The following RGS22 variants were observed in gnomAD, a reference collection of about 807,000 sequenced individuals.
RGS22 encodes the protein regulator of G protein signaling 22.
RGS22 carries 148 observed loss-of-function variants against 172.9 expected under a neutral mutation model. That is an observed-to-expected ratio of 0.86 (90% CI 0.75 to 0.98). The LOEUF (loss-of-function observed/expected upper bound fraction) is 0.98, where lower values mean the gene tolerates loss of function less well. Among genes scored for constraint, RGS22 ranks in the 50% least tolerant of loss-of-function variants. The pLI, the probability that RGS22 is intolerant of heterozygous loss-of-function variation, is 0.00. For synonymous variants in RGS22, 458 were observed against 480.2 expected, an observed-to-expected ratio of 0.95 and a Z score of 0.60; for missense variants, 1,347 against 1,440.8, an observed-to-expected ratio of 0.93 and a Z score of 1.05.
At chr8:100,022,084 G>C (rs528204231) in intron 14 of RGS22, among the ~76,000 whole-genome samples, 1 of 152,070 alleles carries the variant, frequency 6.6e-6, no homozygotes, top group Non-Finnish European at 1.5e-5. Context: ...GAGCTATGCC[G>C]AGAGCGACTA....
rs1819796769 is a variant in RGS22 at position 100,038,916 on chromosome 8, T to G, written c.2166+15A>C. ...CTTAGTGCTTCACATTGAACCAATA[T>G]TATTTACTACGTACTTGCGCTTGCT... is the stretch of plus-strand genomic sequence containing the variant. On this transcript the variant is annotated intron_variant, in intron 14 of 27. Coordinates refer to ENST00000360863, the MANE Select transcript of RGS22 (RefSeq NM_015668.5). The G allele has an allele frequency of 6.4e-7, 1 of 1,550,726 alleles. No homozygotes were observed. The highest frequency in any genetic ancestry group is 8.9e-7 in the Non-Finnish European group (1 of 1,127,420).
intron 14 of RGS22, among the ~76,000 whole-genome samples, chr8:100,017,468 TCA>T (rs1232680252): frequency 3.9e-5 from 6 of 152,190 alleles, no homozygotes; most frequent in Non-Finnish European, 4.4e-5. Context: ...AAAACTGAAT[TCA>T]GTTTGTCAAT....
intron 22 of RGS22, among the ~76,000 whole-genome samples, chr8:99,980,793 C>G (rs1212366510): frequency 6.6e-6 from 1 of 152,168 alleles, no homozygotes; most frequent in Non-Finnish European, 1.5e-5. Context: ...CCGTCAGACT[C>G]AAGGCCTTTG....
chr8:99,965,721 A>T (rs1810660526), intron 23 of RGS22, among the ~76,000 whole-genome samples: 1 of 152,196 alleles, frequency 6.6e-6, no homozygotes, highest in Admixed American at 6.5e-5. Flanking sequence ...AAACATTTTC[A>T]TGAACATCCA....
At chr8:100,065,977 T>C (rs2041197506) in intron 7 of RGS22, among the ~76,000 whole-genome samples, 190 bp downstream of exon 7, 1 of 152,044 alleles carries the variant, frequency 6.6e-6, no homozygotes, top group South Asian at 2.1e-4. Flanking sequence ...AATATCAGAG[T>C]TGCATTCTAA....
chr8:100,053,089 T>C, intron 9 of RGS22, 113 bp from the exon 10 acceptor site: 1 of 936,468 alleles, frequency 1.1e-6, no homozygotes, highest in Non-Finnish European at 1.6e-6. Context: ...GCCATACCTC[T>C]TTTCTAACAA....
chr8:100,097,803 C>T (rs1049303215), intron 2 of RGS22, among the ~76,000 whole-genome samples: 1 of 152,156 alleles, frequency 6.6e-6, no homozygotes, highest in Non-Finnish European at 1.5e-5. Flanking sequence ...ATATGCCAAA[C>T]CTCATCTTTC....
At chr8:100,087,238 C>A (rs2131953181) in intron 3 of RGS22, among the ~76,000 whole-genome samples, 1 of 152,258 alleles carries the variant, frequency 6.6e-6, no homozygotes, top group East Asian at 1.9e-4. Flanking sequence ...AATGCTCAAC[C>A]TTAAATCATA....
intron 18 of RGS22, among the ~76,000 whole-genome samples, chr8:100,001,221 C>CATATATATATATATATATAT (rs1397528231): frequency 1.1e-4 from 9 of 84,612 alleles, no homozygotes; most frequent in East Asian, 2.8e-4. Context: ...TATATATATA[C>CATATATATATATATATATAT]ATATATATAT....
At chr8:99,965,294 T>C (rs777628648) in intron 24 of RGS22, 41 bp downstream of exon 24, 2 of 1,339,204 alleles carry the variant, frequency 1.5e-6, no homozygotes, top group Admixed American at 3.4e-5. Flanking sequence ...TATCCAATGC[T>C]CCAGCGGGGA....
intron 15 of RGS22, 76 bp from the exon 16 acceptor site, chr8:100,006,185 A>G (rs1815689552): frequency 8.9e-7 from 1 of 1,128,302 alleles, no homozygotes; most frequent in Admixed American, 2.2e-5. Flanking sequence ...AAAAACAAAT[A>G]CAGTTGCCAA....
intron 20 of RGS22, among the ~76,000 whole-genome samples, chr8:99,994,458 T>C (rs1019271868): frequency 2.0e-5 from 3 of 152,132 alleles, no homozygotes; most frequent in African/African-American, 4.8e-5. Context: ...CAAGCATTCC[T>C]ATGCAATATT....
intron 23 of RGS22, 67 bp downstream of exon 23, chr8:99,977,850 T>C: frequency 7.6e-7 from 1 of 1,315,822 alleles, no homozygotes; most frequent in Non-Finnish European, 1.0e-6. Flanking sequence ...ACAAAATTAT[T>C]CTATAATTCA....
rs1458158877 is a variant in RGS22, at chr8:100,040,088, C to G, written c.1939-1G>C. 3 of 1,606,464 alleles carry G rather than the reference C, an allele frequency of 1.9e-6. No homozygotes were observed. The highest frequency in any genetic ancestry group is 2.5e-6 in the Non-Finnish European group (3 of 1,177,900). On this transcript the variant is annotated splice_acceptor_variant, in intron 12 of 27. Coordinates refer to ENST00000360863, the MANE Select transcript of RGS22 (RefSeq NM_015668.5). LOFTEE classifies it high-confidence loss of function. ...CACCAACATCTGACACGGTTTTAAC[C>G]TAGATAACAAAACAGAAGTCTATTA... is the stretch of plus-strand genomic sequence containing the variant.
intron 23 of RGS22, among the ~76,000 whole-genome samples, chr8:99,977,028 G>C (rs1334352962): frequency 6.6e-6 from 1 of 152,120 alleles, no homozygotes; most frequent in African/African-American, 2.4e-5. Context: ...ATGAATGAAT[G>C]AACGGACAGA....
At position 99,974,499 on chromosome 8, in the gene RGS22, A is replaced by T. The variant is rs74731986; in HGVS notation, c.3519+3418T>A. 4.4e-3 allele frequency among the ~76,000 whole-genome samples: 677 copies of T among 152,328 alleles called. 15 individuals are homozygous for T. The East Asian group carries it at 0.064, about 14-fold the overall frequency. The stretch of plus-strand genomic sequence containing the variant: ...ATGAGAAAAAAAAGATTAAAACTGC[A>T]TATAACAAATGGATATAAGGCCGGG... On this transcript the variant is annotated intron_variant, in intron 23 of 27. Transcript: ENST00000360863.
intron 14 of RGS22, among the ~76,000 whole-genome samples, chr8:100,010,646 G>A (rs1425664955): frequency 6.6e-6 from 1 of 152,112 alleles, no homozygotes; most frequent in Non-Finnish European, 1.5e-5. Flanking sequence ...GGCAAAGACT[G>A]TAGCTTATTC....
At chr8:99,965,227 T>G (rs1810600471) in intron 24 of RGS22, 108 bp downstream of exon 24, 1 of 611,922 alleles carries the variant, frequency 1.6e-6, no homozygotes, top group African/African-American at 1.9e-5. Context: ...ATTGTAGGCT[T>G]ATTTTCAAAC....
intron 20 of RGS22, among the ~76,000 whole-genome samples, chr8:99,995,027 A>G (rs1403891679): frequency 6.6e-6 from 1 of 152,240 alleles, no homozygotes; most frequent in African/African-American, 2.4e-5. Context: ...ACGATTCCCT[A>G]TTTAATAAAT....
Sources: allele counts gnomAD v4.1 joint callset (sites outside exome capture counted in the v4.1 genomes callset), GRCh38; gene constraint gnomAD v4.1.1; transcripts MANE v1.5; gene names NCBI Gene and HGNC (gene_info 2026-07-23, HGNC 2026-07-21).